Variants in KLHL29 observed in about 807,000 individuals in gnomAD.
KLHL29 encodes kelch-like protein 29.
Under a neutral mutation model 80.4 loss-of-function variants are expected in KLHL29, and 21 were observed. The observed-to-expected ratio is 0.26, with a 90% CI of 0.19 to 0.38. The LOEUF (loss-of-function observed/expected upper bound fraction) is 0.38, where lower values mean the gene tolerates loss of function less well. Ranked by LOEUF, KLHL29 falls within the 10% of genes least tolerant of loss-of-function variation. The pLI is 1.00. For missense variants in KLHL29, 867 were observed against 1,223.9 expected (o/e 0.71, Z 4.35); for synonymous variants, 511 against 526.8 (o/e 0.97, Z 0.41).
At chr2:23,555,074 A>G (rs11673875) in intron 2 of KLHL29, among the ~76,000 whole-genome samples, 21,680 of 151,822 alleles carry the variant, frequency 0.14, 1,999 homozygotes, top group Middle Eastern at 0.31. Flanking sequence ...CCCTGGGGCT[A>G]GTGACACGAG....
intron 3 of KLHL29, among the ~76,000 whole-genome samples, chr2:23,601,109 C>T (rs145860516): frequency 1.8e-3 from 267 of 152,254 alleles, no homozygotes; most frequent in African/African-American, 6.2e-3. Context: ...TGGGGTCTAT[C>T]CTGCCCCCAA....
intron 1 of KLHL29, among the ~76,000 whole-genome samples, chr2:23,396,839 G>T (rs967453285): frequency 2.0e-5 from 3 of 152,114 alleles, no homozygotes; most frequent in Non-Finnish European, 2.9e-5. Flanking sequence ...CATATGATGT[G>T]GGGAAACTGC....
chr2:23,415,740 C>G (rs1381549233), intron 1 of KLHL29, among the ~76,000 whole-genome samples: 1 of 151,940 alleles, frequency 6.6e-6, no homozygotes, highest in Non-Finnish European at 1.5e-5. Context: ...ACTCTGTTGC[C>G]CAGGCTAAAA....
chr2:23,388,373 G>A (rs944063717), intron 1 of KLHL29, among the ~76,000 whole-genome samples: 2 of 152,046 alleles, frequency 1.3e-5, no homozygotes, highest in African/African-American at 2.4e-5. Flanking sequence ...CTTTAAGACC[G>A]GAAAATGCAT....
At chr2:23,593,408 G>A (rs1271790788) in intron 3 of KLHL29, among the ~76,000 whole-genome samples, 1 of 152,162 alleles carries the variant, frequency 6.6e-6, no homozygotes, top group African/African-American at 2.4e-5. Context: ...CAGGGCCTGC[G>A]GTGAATAGCT....
intron 2 of KLHL29, among the ~76,000 whole-genome samples, chr2:23,521,259 T>C (rs549811405): frequency 6.6e-6 from 1 of 152,246 alleles, no homozygotes; most frequent in African/African-American, 2.4e-5. Context: ...CAGGGAAGGC[T>C]GTGGCCCAAG....
intron 5 of KLHL29, among the ~76,000 whole-genome samples, chr2:23,676,225 T>C (rs7567043): frequency 0.17 from 26,098 of 152,006 alleles, 2,347 homozygotes; most frequent in Middle Eastern, 0.24. Context: ...CTCTGTCGCC[T>C]GGGCTGGAGT....
In KLHL29 at chr2:23,562,024, G is replaced by A. The variant is rs904940046; in HGVS notation, c.-45-128G>A. The stretch of plus-strand genomic sequence containing the variant: ...AATGATCCATGCTTTGTGGGCTAGC[G>A]TGACTCTGAAATGAGCTAATGTTTG... On this transcript the variant is annotated intron_variant, in intron 2 of 13. Transcript: ENST00000486442. This position sits in a 1 kb window ranked among gnomAD's most constrained non-coding sequence, Gnocchi z 4.5. 1.0e-5 allele frequency: 7 copies of A among 671,438 alleles called. No homozygotes were observed. Among genetic ancestry groups the A allele is most frequent in the Non-Finnish European group, 1.8e-5 (7 of 398,552 alleles). 41.6% of individuals were successfully genotyped at this position (671,438 alleles called of 1,614,324 possible). A position where few individuals can be genotyped will look rare whatever the true frequency, so the allele number is the denominator to read the frequency against.
intron 2 of KLHL29, among the ~76,000 whole-genome samples, chr2:23,480,261 C>T (rs543342449): frequency 1.0e-3 from 159 of 152,256 alleles, no homozygotes; most frequent in African/African-American, 3.3e-3. Flanking sequence ...CCGAGGTGGG[C>T]GGATCACTTG....
intron 1 of KLHL29, among the ~76,000 whole-genome samples, chr2:23,411,542 G>GA (rs1350014179): frequency 2.0e-5 from 3 of 152,056 alleles, no homozygotes; most frequent in Admixed American, 1.3e-4. Context: ...ACCTCGAGAA[G>GA]AGAGTTGTGA....
intron 1 of KLHL29, among the ~76,000 whole-genome samples, chr2:23,387,348 ACTAGTTT>A (rs891365621): frequency 6.6e-6 from 1 of 152,078 alleles, no homozygotes; most frequent in African/African-American, 2.4e-5. Flanking sequence ...CTGTATTTAT[ACTAGTTT>A]CAGTCTCTTT....
Position 23,562,205 on chromosome 2 carries a change from G to A in KLHL29, c.9G>A (p.Arg3=). The A allele has an allele frequency of 6.4e-7, 1 of 1,550,602 alleles. No homozygotes were observed. The change falls in exon 3 of 14, where the codon CGG becomes CGA. Residue 3 remains arginine (R), a synonymous_variant. Coordinates refer to ENST00000486442, the MANE Select transcript of KLHL29 (RefSeq NM_052920.2). The surrounding 1 kb of genome is among the most constrained non-coding windows in gnomAD (Gnocchi z 4.5). MS[R]HHSRFERDYR... is the part of the protein sequence containing the mutation. The stretch of plus-strand genomic sequence containing the variant: ...CGCCTCGGCCCACCGAGATGTCCCG[G>A]CACCATAGCCGCTTCGAAAGAGATT...
At chr2:23,522,843 C>T (rs955619712) in intron 2 of KLHL29, among the ~76,000 whole-genome samples, 3 of 152,196 alleles carry the variant, frequency 2.0e-5, no homozygotes, top group Non-Finnish European at 4.4e-5. Flanking sequence ...CCCCTGCTGC[C>T]GCCACAGAGT....
At chr2:23,448,960 A>T (rs1301777319) in intron 1 of KLHL29, among the ~76,000 whole-genome samples, 3 of 152,202 alleles carry the variant, frequency 2.0e-5, no homozygotes, top group African/African-American at 7.2e-5. Context: ...TTTGGCATAC[A>T]GCAAGGCACA....
At chr2:23,583,226 C>T (rs559652729) in intron 3 of KLHL29, among the ~76,000 whole-genome samples, 2 of 152,240 alleles carry the variant, frequency 1.3e-5, no homozygotes, top group East Asian at 1.9e-4. Flanking sequence ...CGTTTGTTGC[C>T]GCAGCCCCAG....
chr2:23,642,441 C>G lies in KLHL29; in HGVS notation c.531C>G (p.Asn177Lys). Residue 177 changes from asparagine to lysine, a missense_variant, in exon 5 of 14, where the codon AAC (asparagine) becomes AAG (lysine). This residue lies in a region of KLHL29 where 424 missense variants were observed against 456.9 expected (regional missense o/e 0.93). Coordinates refer to ENST00000486442, the MANE Select transcript of KLHL29 (RefSeq NM_052920.2). ...AQPPTFSPAV[N>K]VQAPVIGVTP... Reference sequence around the variant, plus strand: ...CTCCCACCTTCAGCCCGGCTGTGAACGTCCAGGCCCCGGTCATTGGGGTGA... The same window carrying G: ...CTCCCACCTTCAGCCCGGCTGTGAAGGTCCAGGCCCCGGTCATTGGGGTGA... 1 of 1,499,286 alleles carries G rather than the reference C, an allele frequency of 6.7e-7. No individual in the cohort carries two copies. The highest frequency in any genetic ancestry group is 8.9e-7 in the Non-Finnish European group (1 of 1,118,520). 92.9% of individuals were successfully genotyped at this position (1,499,286 alleles called of 1,614,324 possible). A position where few individuals can be genotyped will look rare whatever the true frequency, so the allele number is the denominator to read the frequency against.
At chr2:23,549,093 C>T (rs1320556116) in intron 2 of KLHL29, among the ~76,000 whole-genome samples, 1 of 152,200 alleles carries the variant, frequency 6.6e-6, no homozygotes, top group Non-Finnish European at 1.5e-5. Flanking sequence ...CATCAGCGTC[C>T]CCGCCTTGGG....
intron 3 of KLHL29, among the ~76,000 whole-genome samples, chr2:23,605,453 G>A (rs1668685256): frequency 6.6e-6 from 1 of 152,048 alleles, no homozygotes; most frequent in South Asian, 2.1e-4. Flanking sequence ...GCTGAAGGAG[G>A]CTTCATAGGG....
At chr2:23,688,229 T>G (rs1671363384) in intron 6 of KLHL29, among the ~76,000 whole-genome samples, 1 of 152,162 alleles carries the variant, frequency 6.6e-6, no homozygotes, top group Non-Finnish European at 1.5e-5. Context: ...GGAGACTGGG[T>G]GCATGCCCAT....
Sources: gnomAD v4.1 joint callset for allele counts (sites outside exome capture counted in the v4.1 genomes callset) on GRCh38, gnomAD v4.1.1 for gene constraint, gnomAD v4.1.1 regional missense constraint, Gnocchi (gnomAD v3.1) non-coding constraint, MANE v1.5 for transcripts, NCBI Gene and HGNC (gene_info 2026-07-23, HGNC 2026-07-21) for gene names.